The following TEC variants were observed in gnomAD, a reference collection of about 807,000 sequenced individuals.
The protein encoded by TEC is tyrosine-protein kinase Tec.
A neutral mutation model predicts 93.0 loss-of-function variants in TEC; 72 were observed. The observed-to-expected ratio is 0.77, with a 90% CI of 0.64 to 0.94. The LOEUF is 0.94. Among genes scored for constraint, TEC ranks in the 40% least tolerant of loss-of-function variants. The pLI is 0.00. For missense variants in TEC, 630 were observed against 757.9 expected (o/e 0.83, Z 1.98); for synonymous variants, 249 against 247.7 (o/e 1.01, Z -0.05).
intron 1 of TEC, among the ~76,000 whole-genome samples, chr4:48,260,066 C>T (rs1724458030): frequency 6.6e-6 from 1 of 151,970 alleles, no homozygotes; most frequent in Admixed American, 6.5e-5. Context: ...TGAAATGAGG[C>T]TCTACACATT....
chr4:48,154,297 G>A (rs6852512), intron 9 of TEC, among the ~76,000 whole-genome samples: 2 of 152,176 alleles, frequency 1.3e-5, no homozygotes, highest in African/African-American at 4.8e-5. Flanking sequence ...ATTTTGCCTA[G>A]ACCTACTGGT....
chr4:48,208,044 C>T (rs1335700836), intron 2 of TEC, among the ~76,000 whole-genome samples: 1 of 152,070 alleles, frequency 6.6e-6, no homozygotes, highest in Non-Finnish European at 1.5e-5. Context: ...AGTGATACAC[C>T]CATCTGTGGT....
At chr4:48,242,935 G>A (rs1723957831) in intron 1 of TEC, among the ~76,000 whole-genome samples, 1 of 152,192 alleles carries the variant, frequency 6.6e-6, no homozygotes, top group Admixed American at 6.5e-5. Context: ...ATATCTGTAA[G>A]ATTAATGGGG....
At chr4:48,263,557 T>C (rs1724553305) in intron 1 of TEC, among the ~76,000 whole-genome samples, 1 of 151,920 alleles carries the variant, frequency 6.6e-6, no homozygotes, top group Non-Finnish European at 1.5e-5. Context: ...CTACTAAAAA[T>C]ACAAAAATTA....
chr4:48,262,730 A>T (rs918652442), intron 1 of TEC, among the ~76,000 whole-genome samples: 1 of 152,214 alleles, frequency 6.6e-6, no homozygotes, highest in African/African-American at 2.4e-5. Flanking sequence ...TGAGCTCTGC[A>T]GTATCCCTAC....
rs56341256 is a variant in TEC, at chr4:48,258,145, G to GT, written c.-46+11606dup. Among the ~76,000 whole-genome samples the GT allele has an allele frequency of 8.0e-3, 1,113 of 139,910 alleles. 14 individuals carry two copies. Among genetic ancestry groups the GT allele is most frequent in the African/African-American group, 0.021 (793 of 37,982 alleles). The allele number at this position is 139,910 out of a possible 152,430, so 91.8% of individuals were successfully genotyped here. ...TTTATCTGAATGCATTGTTTTTTTG[G>GT]TTTTTTTTTTTTTTGAGAAGGAATC... On this transcript the variant is annotated intron_variant, in intron 1 of 17. Coordinates refer to ENST00000381501, the MANE Select transcript of TEC (RefSeq NM_003215.3).
chr4:48,263,540 C>A (rs1025692258), intron 1 of TEC, among the ~76,000 whole-genome samples: 1 of 152,122 alleles, frequency 6.6e-6, no homozygotes, highest in African/African-American at 2.4e-5. Flanking sequence ...ATGGTGAAAC[C>A]CTGTCTCTAC....
At chr4:48,150,987 A>AT (rs1473540289) in intron 9 of TEC, 45 bp from the exon 10 acceptor site, 1 of 1,229,070 alleles carries the variant, frequency 8.1e-7, no homozygotes, top group East Asian at 2.4e-5. Flanking sequence ...CTAATTACTA[A>AT]TAGCATTGCC....
intron 2 of TEC, among the ~76,000 whole-genome samples, chr4:48,210,094 G>A: frequency 6.6e-6 from 1 of 152,170 alleles, no homozygotes; most frequent in East Asian, 1.9e-4. Context: ...AAGCTCTGGG[G>A]CCCTTCCAGA....
chr4:48,189,427 C>T (rs975296169), intron 2 of TEC, among the ~76,000 whole-genome samples: 4 of 152,206 alleles, frequency 2.6e-5, no homozygotes, highest in African/African-American at 7.2e-5. Flanking sequence ...TCTCCTGAGA[C>T]GTAAGCATTT....
At chr4:48,216,994 A>G (rs1400534620) in intron 2 of TEC, among the ~76,000 whole-genome samples, 3 of 152,236 alleles carry the variant, frequency 2.0e-5, no homozygotes, top group Admixed American at 2.0e-4. Context: ...TTCATTTAGT[A>G]GTAATTACCC....
At chr4:48,260,056 T>C (rs1724457956) in intron 1 of TEC, among the ~76,000 whole-genome samples, 1 of 152,086 alleles carries the variant, frequency 6.6e-6, no homozygotes. Flanking sequence ...TCCAATAAGA[T>C]GAAATGAGGC....
chr4:48,137,736 C>CT (rs973053497), intron 17 of TEC, among the ~76,000 whole-genome samples: 33 of 152,282 alleles, frequency 2.2e-4, no homozygotes, highest in African/African-American at 6.5e-4. Flanking sequence ...CCTGATAGAT[C>CT]TTTTTACTGC....
intron 1 of TEC, among the ~76,000 whole-genome samples, chr4:48,257,851 C>T (rs544135715): frequency 2.1e-4 from 32 of 152,270 alleles, no homozygotes; most frequent in African/African-American, 7.7e-4. Flanking sequence ...CCTCAATCTT[C>T]TATACCATTG....
At chr4:48,143,485 G>A (rs919974860) in intron 14 of TEC, among the ~76,000 whole-genome samples, 1 of 152,158 alleles carries the variant, frequency 6.6e-6, no homozygotes, top group African/African-American at 2.4e-5. Flanking sequence ...AATAACTGAT[G>A]TTATCTACAG....
chr4:48,148,936 G>A (rs1230205135), intron 11 of TEC, among the ~76,000 whole-genome samples: 5 of 55,698 alleles, frequency 9.0e-5, no homozygotes, highest in Non-Finnish European at 1.5e-4. Flanking sequence ...TTGGTTTTCT[G>A]TTCCTGTGTT....
In TEC at chr4:48,137,491, C is replaced by A; in HGVS notation, c.1821G>T (p.Glu607Asp). 1 of 1,613,996 alleles carries A rather than the reference C, an allele frequency of 6.2e-7. No homozygotes were observed. The highest frequency in any genetic ancestry group is 1.1e-5 in the South Asian group (1 of 91,066). ...GCAGATCTTCGAAAGAAGGCCTTCC[C>A]TCTGGTTTCTACAATTAAAAGTCAA... The part of the protein sequence containing the change: ...VMLRCWQEKP[E>D]GRPSFEDLLR... Residue 607 changes from glutamate (E) to aspartate (D), a missense_variant, in exon 18 of 18, where the codon GAG becomes GAT. By Grantham distance (45) the Glu-to-Asp change is conservative. Coordinates refer to ENST00000381501, the MANE Select transcript of TEC (RefSeq NM_003215.3).
At chr4:48,248,027 T>C (rs137976017) in intron 1 of TEC, among the ~76,000 whole-genome samples, 15 of 152,298 alleles carry the variant, frequency 9.8e-5, no homozygotes, top group African/African-American at 2.6e-4. Flanking sequence ...AGTCAGCACA[T>C]AGGGTAAAAA....
At chr4:48,168,284 CTG>C (rs1323221618) in intron 6 of TEC, among the ~76,000 whole-genome samples, 1 of 152,088 alleles carries the variant, frequency 6.6e-6, no homozygotes, top group Non-Finnish European at 1.5e-5. Flanking sequence ...GGTCTTAAGA[CTG>C]AAATATTTAT....
Sources: gnomAD v4.1 joint callset for allele counts (sites outside exome capture counted in the v4.1 genomes callset) on GRCh38, gnomAD v4.1.1 for gene constraint, MANE v1.5 for transcripts, NCBI Gene and HGNC (gene_info 2026-07-23, HGNC 2026-07-21) for gene names.